Variants in KLK12 observed in about 807,000 individuals in gnomAD.
The protein encoded by KLK12 is kallikrein-12.
A neutral mutation model predicts 20.0 loss-of-function variants in KLK12; 23 were observed. The observed-to-expected ratio is 1.15, with a 90% CI of 0.83 to 1.63. The LOEUF is 1.63. Ranked by LOEUF, KLK12 falls within the 40% of genes most tolerant of loss-of-function variation. KLK12 has a pLI of 0.00. For synonymous variants in KLK12, 147 were observed against 141.9 expected, an observed-to-expected ratio of 1.04 and a Z score of -0.25; for missense variants, 351 against 338.6, an observed-to-expected ratio of 1.04 and a Z score of -0.29.
In KLK12 at chr19:51,029,439, G is replaced by T; in HGVS notation, c.610C>A (p.Leu204Met). 1 of 1,612,138 alleles carries T rather than the reference G, an allele frequency of 6.2e-7. No individual in the cohort carries two copies. Among genetic ancestry groups the T allele is most frequent in the African/African-American group, 1.3e-5 (1 of 75,012 alleles). ...DACQGDSGGP[L>M]VCGGVLQGLV... is the part of the protein sequence containing the mutation. ...CCTTGAAGGACTCCCCCACACACCAGGGGGCCCCCAGAATCACCCTGGAAG... is the reference window on the plus strand; with the variant it reads ...CCTTGAAGGACTCCCCCACACACCATGGGGCCCCCAGAATCACCCTGGAAG... The change falls in exon 6 of 6, where the codon CTG (leucine) becomes ATG (methionine). Residue 204 changes from leucine to methionine, a missense_variant. Coordinates refer to ENST00000684732, the MANE Select transcript of KLK12 (RefSeq NM_001370125.1).
chr19:51,033,865 C>T lies in KLK12; in HGVS notation c.197+115G>A, dbSNP rs1254223005. 6 of 1,077,728 alleles carry T rather than the reference C, an allele frequency of 5.6e-6. No individual in the cohort carries two copies. In the South Asian group the frequency reaches 8.1e-5, roughly 15 times the overall value. The allele number at this position is 1,077,728 out of a possible 1,614,324, so 66.8% of individuals were successfully genotyped here. A position where few individuals can be genotyped will look rare whatever the true frequency, so the allele number is the denominator to read the frequency against. ...GTTCCACTCCTGGTCTAACCTCAGA[C>T]TCTCTTGTTGCAGGATCAGCTTCTT... On this transcript the variant is annotated intron_variant, in intron 3 of 5. Transcript: ENST00000684732.
chr19:51,034,624 TG>T lies in KLK12; in HGVS notation c.-4del, dbSNP rs1599773136. The stretch of plus-strand genomic sequence containing the variant: ...AGCAAAAAGATGCTGAGCCCCATGG[TG>T]GGTCACTTCCAAAGTCTGGGGGAAA... On this transcript the variant is annotated 5_prime_UTR_variant, in exon 2 of 6. Transcript: ENST00000684732. The T allele has an allele frequency of 6.2e-7, 1 of 1,606,196 alleles. No individual in the cohort carries two copies. Among genetic ancestry groups the T allele is most frequent in the African/African-American group, 1.4e-5 (1 of 73,192 alleles).
intron 3 of KLK12, among the ~76,000 whole-genome samples, chr19:51,032,802 G>A (rs766476767): frequency 1.3e-5 from 2 of 152,272 alleles, no homozygotes; most frequent in African/African-American, 2.4e-5. Flanking sequence ...ATGCTCATGC[G>A]TGGACGAGTG....
In KLK12 at chr19:51,034,905, G is replaced by A. The variant is rs1254158823; in HGVS notation, c.-119C>T. The A allele has an allele frequency of 6.0e-6, 8 of 1,330,408 alleles. No individual in the cohort carries two copies. The highest frequency in any genetic ancestry group is 7.7e-6 in the Non-Finnish European group (8 of 1,034,570). The allele number at this position is 1,330,408 out of a possible 1,614,324, so 82.4% of individuals were successfully genotyped here. On this transcript the variant is annotated 5_prime_UTR_variant, in exon 1 of 6. Coordinates refer to ENST00000684732, the MANE Select transcript of KLK12 (RefSeq NM_001370125.1). ...TCCACCTACCTGCCTGTCTTCTCAT[G>A]TGCTGGCCACTCCGCCAGCCAACTC...
intron 3 of KLK12, among the ~76,000 whole-genome samples, chr19:51,033,637 A>C (rs1464637399): frequency 6.6e-6 from 1 of 152,140 alleles, no homozygotes; most frequent in African/African-American, 2.4e-5. Context: ...AAAAAGAAAA[A>C]GAAAAAGAGC....
At position 51,034,982 on chromosome 19, in the gene KLK12, C is replaced by T; in HGVS notation, c.-196G>A. Reference sequence around the variant, plus strand: ...CACCTGTCATGTTGCTCAACCGGTCCCTTTCCTTCCATCTGTCGCTCCAGA... The same window carrying T: ...CACCTGTCATGTTGCTCAACCGGTCTCTTTCCTTCCATCTGTCGCTCCAGA... On this transcript the variant is annotated 5_prime_UTR_variant, in exon 1 of 6. Coordinates refer to ENST00000684732, the MANE Select transcript of KLK12 (RefSeq NM_001370125.1). The T allele has an allele frequency of 8.5e-7, 1 of 1,170,530 alleles. No homozygotes were observed. The highest frequency in any genetic ancestry group is 1.1e-6 in the Non-Finnish European group (1 of 939,904). The allele number at this position is 1,170,530 out of a possible 1,614,324, so 72.5% of individuals were successfully genotyped here.
Position 51,030,897 on chromosome 19 carries a change from C to T in KLK12, c.482G>A (p.Cys161Tyr). 6.2e-7 allele frequency: 1 copy of T among 1,614,034 alleles called. No homozygotes were observed. The highest frequency in any genetic ancestry group is 1.1e-5 in the South Asian group (1 of 91,082). ...PRNPFPDLLQ[C>Y]LNLSIVSHAT... is the part of the protein sequence containing the mutation. ...ATGGGAGACGATGGAGAGGTTGAGGCACTGGAGCAGATCCGGGAATGGGTC... is the reference window on the plus strand; with the variant it reads ...ATGGGAGACGATGGAGAGGTTGAGGTACTGGAGCAGATCCGGGAATGGGTC... Residue 161 changes from cysteine to tyrosine, a missense_variant, in exon 5 of 6, where the codon TGC (cysteine) becomes TAC (tyrosine). By Grantham distance (194) the Cys-to-Tyr change is radical (BLOSUM62 -2). Transcript: ENST00000684732.
At chr19:51,034,726 G>A (rs2091595211) in intron 1 of KLK12, 80 bp downstream of exon 1, 4 of 1,542,206 alleles carry the variant, frequency 2.6e-6, no homozygotes, top group Non-Finnish European at 3.5e-6. Context: ...AGGTCACCAA[G>A]GGGATGACCT....
rs751485779 is a variant in KLK12 at position 51,030,890 on chromosome 19, G to T, written c.489C>A (p.Asn163Lys). The T allele has an allele frequency of 7.4e-6, 12 of 1,614,038 alleles. No individual in the cohort carries two copies. The highest frequency in any genetic ancestry group is 1.0e-5 in the Non-Finnish European group (12 of 1,180,040). The change falls in exon 5 of 6, where the codon AAC (asparagine) becomes AAA (lysine). Residue 163 changes from asparagine (N) to lysine (K), a missense_variant. Transcript: ENST00000684732. ...NPFPDLLQCL[N>K]LSIVSHATCH... ...AGGTGGCATGGGAGACGATGGAGAGGTTGAGGCACTGGAGCAGATCCGGGA... is the reference window on the plus strand; with the variant it reads ...AGGTGGCATGGGAGACGATGGAGAGTTTGAGGCACTGGAGCAGATCCGGGA...
At chr19:51,033,373 T>G (rs1295128999) in intron 3 of KLK12, among the ~76,000 whole-genome samples, 1 of 152,054 alleles carries the variant, frequency 6.6e-6, no homozygotes, top group Non-Finnish European at 1.5e-5. Context: ...CCCAGCACTT[T>G]GGGAGGCCAA....
chr19:51,034,286 TAGAAAA>T lies in KLK12; in HGVS notation c.38-153_38-148del, dbSNP rs2122625160. On this transcript the variant is annotated intron_variant, in intron 2 of 5. Transcript: ENST00000684732. Reference sequence around the variant, plus strand: ...AGAGAAAGAGAGAGAGACCCAGTGATAGAAAAAGACCATGAAACATCAAAGACACCC... The same window carrying T: ...AGAGAAAGAGAGAGAGACCCAGTGATAGACCATGAAACATCAAAGACACCC... 9 of 1,172,552 alleles carry T rather than the reference TAGAAAA, an allele frequency of 7.7e-6. No homozygotes were observed. The South Asian group carries it at 1.3e-4, about 17-fold the overall frequency. The allele number at this position is 1,172,552 out of a possible 1,614,324, so 72.6% of individuals were successfully genotyped here. A position where few individuals can be genotyped will look rare whatever the true frequency, so the allele number is the denominator to read the frequency against.
intron 5 of KLK12, among the ~76,000 whole-genome samples, chr19:51,029,685 C>T (rs1448972125): frequency 6.6e-6 from 1 of 152,202 alleles, no homozygotes; most frequent in African/African-American, 2.4e-5. Context: ...CCATAAAGGA[C>T]AGAGGTTCTC....
At chr19:51,030,970 T>C (rs2091552180) in intron 4 of KLK12, 49 bp from the exon 5 acceptor site, 1 of 1,612,242 alleles carries the variant, frequency 6.2e-7, no homozygotes, top group Non-Finnish European at 8.5e-7. Context: ...CTCCCCACTT[T>C]GAGGCCACGT....
intron 3 of KLK12, chr19:51,033,773 C>G (rs985961722): frequency 3.2e-6 from 2 of 621,000 alleles, no homozygotes; most frequent in Non-Finnish European, 5.8e-6. Context: ...GTTCCAGGAC[C>G]CTCCCCGGCC....
In KLK12 at chr19:51,034,111, A is replaced by G. The variant is rs1187655140; in HGVS notation, c.66T>C (p.Ile22=). ...TACGCCCACACTCAGTGCCATTGAA[A>G]ATCTTCGGTGTGGCTGCCTGGCTGA... ...LGLSQAATPK[I]FNGTECGRNS... is the part of the protein sequence containing the mutation. The change falls in exon 3 of 6, where the codon ATT becomes ATC. Residue 22 remains isoleucine, a synonymous_variant. Transcript: ENST00000684732. 1.9e-6 allele frequency: 3 copies of G among 1,556,604 alleles called. No homozygotes were observed. Among genetic ancestry groups the G allele is most frequent in the Non-Finnish European group, 2.6e-6 (3 of 1,149,578 alleles).
intron 4 of KLK12, among the ~76,000 whole-genome samples, chr19:51,031,492 C>A (rs1027460353): frequency 5.3e-5 from 8 of 151,794 alleles, no homozygotes; most frequent in African/African-American, 1.9e-4. Flanking sequence ...TTTCCATCCT[C>A]AGATTTTGAC....
intron 2 of KLK12, 53 bp from the exon 3 acceptor site, chr19:51,034,192 G>A: frequency 6.6e-7 from 1 of 1,524,268 alleles, no homozygotes; most frequent in Non-Finnish European, 8.9e-7. Context: ...ATACAGAGAT[G>A]GAGAGACACA....
rs777184648 is a variant in KLK12, at chr19:51,032,083, C to T, written c.250G>A (p.Glu84Lys). 25 of 1,604,920 alleles carry T rather than the reference C, an allele frequency of 1.6e-5. No individual in the cohort carries two copies. Among genetic ancestry groups the T allele is most frequent in the Middle Eastern group, 1.7e-4 (1 of 6,034 alleles). The part of the protein sequence containing the change: ...EHSLSQLDWT[E>K]QIRHSGFSVT... The stretch of plus-strand genomic sequence containing the variant: ...GAGAAGCCGCTGTGCCGGATCTGCT[C>T]GGTCCAGTCGAGCTGGCTGAGGCTG... The change falls in exon 4 of 6, where the codon GAG (glutamate) becomes AAG (lysine). Residue 84 changes from glutamate to lysine, a missense_variant. Coordinates refer to ENST00000684732, the MANE Select transcript of KLK12 (RefSeq NM_001370125.1).
At position 51,029,179 on chromosome 19, in the gene KLK12, G is replaced by A; in HGVS notation, c.*123C>T. On this transcript the variant is annotated 3_prime_UTR_variant, in exon 6 of 6. Transcript: ENST00000684732. ...CTTAGAAGGGCTGGCAGGAGTTAAA[G>A]TTCCAAGAAGTTCCCAGGCCAACAA... 1 of 1,614,114 alleles carries A rather than the reference G, an allele frequency of 6.2e-7. No individual in the cohort carries two copies.
Sources: gnomAD v4.1 joint callset for allele counts (sites outside exome capture counted in the v4.1 genomes callset) on GRCh38, gnomAD v4.1.1 for gene constraint, MANE v1.5 for transcripts, NCBI Gene and HGNC (gene_info 2026-07-23, HGNC 2026-07-21) for gene names.